POU6F1: variants seen among roughly 807,000 people sequenced by gnomAD.
POU6F1 encodes the protein POU class 6 homeobox 1.
POU6F1 carries 9 observed loss-of-function variants against 28.9 expected under a neutral mutation model. That is an observed-to-expected ratio of 0.31 (90% CI 0.19 to 0.54). POU6F1 has a LOEUF of 0.54. Ranked by LOEUF, POU6F1 falls within the 20% of genes least tolerant of loss-of-function variation. The pLI, the probability that POU6F1 is intolerant of heterozygous loss-of-function variation, is 0.94. For missense variants in POU6F1, 338 were observed against 426.1 expected (o/e 0.79, Z 1.82); for synonymous variants, 173 against 171.1 (o/e 1.01, Z -0.09).
At chr12:51,197,646 T>G in intron 6 of POU6F1, 124 bp downstream of exon 6, 1 of 395,310 alleles carries the variant, frequency 2.5e-6, no homozygotes, top group Non-Finnish European at 4.5e-6. Context: ...CCATCTCTGC[T>G]GATGTGTTGG....
rs1307287714 is a variant in POU6F1 at position 51,198,605 on chromosome 12, C to G, written c.537G>C (p.Leu179=). 2 of 399,152 alleles carry G rather than the reference C, an allele frequency of 5.0e-6. No homozygotes were observed. Among genetic ancestry groups the G allele is most frequent in the Non-Finnish European group, 8.8e-6 (2 of 226,280 alleles). The allele number at this position is 399,152 out of a possible 1,614,324, so 24.7% of individuals were successfully genotyped here. Residue 179 remains leucine (L), a synonymous_variant, in exon 5 of 11, where the codon CTG becomes CTC. Coordinates refer to ENST00000333640, the MANE Select transcript of POU6F1 (RefSeq NM_001330422.2). ...PTATVAALPG[L]TAASPTGGVF... is the part of the protein sequence containing the mutation. Reference sequence around the variant, plus strand: ...CTCCCCCCGTAGGAGAAGCAGCGGTCAGTCCTGGGAGGGCAGCCACAGTTG... The same window carrying G: ...CTCCCCCCGTAGGAGAAGCAGCGGTGAGTCCTGGGAGGGCAGCCACAGTTG...
At chr12:51,209,260 G>A (rs545170402) in intron 1 of POU6F1, among the ~76,000 whole-genome samples, 5 of 152,246 alleles carry the variant, frequency 3.3e-5, no homozygotes, top group Admixed American at 3.3e-4. Context: ...CAACCCAAAA[G>A]GAAACTCCAT....
At chr12:51,208,404 G>A (rs1337013291) in intron 1 of POU6F1, among the ~76,000 whole-genome samples, 1 of 152,202 alleles carries the variant, frequency 6.6e-6, no homozygotes, top group Admixed American at 6.5e-5. Context: ...TTGTATGCTA[G>A]ACATTTTATA....
intron 1 of POU6F1, among the ~76,000 whole-genome samples, chr12:51,209,536 G>T (rs1565632340): frequency 6.6e-6 from 1 of 152,138 alleles, no homozygotes; most frequent in Non-Finnish European, 1.5e-5. Context: ...TTCATTAGTT[G>T]GTGGACATTT....
intron 1 of POU6F1, among the ~76,000 whole-genome samples, chr12:51,211,292 A>T (rs1326236339): frequency 6.6e-6 from 1 of 152,182 alleles, no homozygotes; most frequent in Non-Finnish European, 1.5e-5. Flanking sequence ...GCTCTGGTTA[A>T]AGCTGGGGAG....
rs570465920 is a variant in POU6F1 at position 51,192,412 on chromosome 12, T to G, written c.1239A>C (p.Pro413=). 10 of 1,614,068 alleles carry G rather than the reference T, an allele frequency of 6.2e-6. No individual in the cohort carries two copies. In the South Asian group the frequency reaches 1.1e-4, roughly 18 times the overall value. ...AGGCAGATGGCTTGGCGGCTGGAGC[T>G]GGGCTGGCAATGACCACAGCAGGCT... ...VPQPAVVIAS[P]APAAKPSASA... Residue 413 remains proline (P), a synonymous_variant, in exon 9 of 11, where the codon CCA becomes CCC. Coordinates refer to ENST00000333640, the MANE Select transcript of POU6F1 (RefSeq NM_001330422.2).
rs1469222889 is a variant in POU6F1 at position 51,217,504 on chromosome 12, G to A, written c.-48+138C>T. On this transcript the variant is annotated intron_variant, in intron 1 of 10. Transcript: ENST00000333640. This position sits in a 1 kb window ranked among gnomAD's most constrained non-coding sequence, Gnocchi z 5.3. ...CAGCATCCCGCCGCCCCGGCCCCGC[G>A]GCTTTTTTTCTCTTTATCATAAATA... 1.3e-5 allele frequency: 2 copies of A among 152,512 alleles called. No homozygotes were observed. Among genetic ancestry groups the A allele is most frequent in the Admixed American group, 1.3e-4 (2 of 15,214 alleles). 9.4% of individuals were successfully genotyped at this position (152,512 alleles called of 1,614,324 possible).
chr12:51,191,557 T>C (rs761421423), intron 10 of POU6F1, 39 bp downstream of exon 10: 7 of 1,590,222 alleles, frequency 4.4e-6, no homozygotes, highest in Non-Finnish European at 6.0e-6. Context: ...ACCAGGCAGC[T>C]GAGCAGGCCC....
At chr12:51,205,056 T>TTTTTTTA (rs1943483064) in intron 2 of POU6F1, among the ~76,000 whole-genome samples, 1 of 135,466 alleles carries the variant, frequency 7.4e-6, no homozygotes, top group African/African-American at 2.8e-5. Context: ...TTTTTTTTTT[T>TTTTTTTA]GAGACAGAGT....
chr12:51,211,777 C>T (rs963697988), intron 1 of POU6F1, among the ~76,000 whole-genome samples: 7 of 152,038 alleles, frequency 4.6e-5, no homozygotes, highest in African/African-American at 1.7e-4. Context: ...AATAAATATA[C>T]AAACAAAAAC....
In POU6F1 at chr12:51,190,708, G is replaced by T; in HGVS notation, c.1491-116C>A. The T allele has an allele frequency of 1.4e-6, 2 of 1,462,256 alleles. No individual in the cohort carries two copies. Among genetic ancestry groups the T allele is most frequent in the Non-Finnish European group, 1.8e-6 (2 of 1,101,096 alleles). 90.6% of individuals were successfully genotyped at this position (1,462,256 alleles called of 1,614,324 possible). On this transcript the variant is annotated intron_variant, in intron 10 of 10. Transcript: ENST00000333640. This position sits in a 1 kb window ranked among gnomAD's most constrained non-coding sequence, Gnocchi z 4.5. ...GGGCCGCTCCTCTAGGGGCTGGTGAGACTGTACCCAGTGCTCCCCTCACCA... is the reference window on the plus strand; with the variant it reads ...GGGCCGCTCCTCTAGGGGCTGGTGATACTGTACCCAGTGCTCCCCTCACCA...
intron 1 of POU6F1, chr12:51,207,268 C>G (rs1943691543): frequency 6.6e-6 from 1 of 152,590 alleles, no homozygotes; most frequent in Non-Finnish European, 1.5e-5. Context: ...AAGTGATCCA[C>G]CCGCCTCGGC....
chr12:51,210,023 C>T (rs1943883667), intron 1 of POU6F1, among the ~76,000 whole-genome samples: 1 of 152,040 alleles, frequency 6.6e-6, no homozygotes, highest in Non-Finnish European at 1.5e-5. Context: ...AGTGGCATGA[C>T]CATGGCTCAT....
At position 51,217,643 on chromosome 12, in the gene POU6F1, G is replaced by GGAGCCC. The variant is rs1449913014; in HGVS notation, c.-55_-50dup. On this transcript the variant is annotated splice_region_variant and 5_prime_UTR_variant, in exon 1 of 11. Coordinates refer to ENST00000333640, the MANE Select transcript of POU6F1 (RefSeq NM_001330422.2). The surrounding 1 kb of genome is among the most constrained non-coding windows in gnomAD (Gnocchi z 5.3). Reference sequence around the variant, plus strand: ...CCCGCCCCGGACCCCGCTACTTACCGGAGCCCGAGCCCGAGCCGCCTTCGC... The same window carrying GGAGCCC: ...CCCGCCCCGGACCCCGCTACTTACCGGAGCCCGAGCCCGAGCCCGAGCCGCCTTCGC... The GGAGCCC allele has an allele frequency of 1.2e-4, 17 of 146,836 alleles. No individual in the cohort carries two copies. The highest frequency in any genetic ancestry group is 4.0e-4 in the East Asian group (2 of 4,978). The allele number at this position is 146,836 out of a possible 1,614,324, so 9.1% of individuals were successfully genotyped here.
intron 1 of POU6F1, among the ~76,000 whole-genome samples, chr12:51,215,941 A>G (rs370342124): frequency 3.3e-5 from 5 of 152,318 alleles, no homozygotes; most frequent in African/African-American, 1.2e-4. Flanking sequence ...CACTATATAT[A>G]TGTTTGTTAT....
At chr12:51,198,320 A>C (rs1251030980) in intron 5 of POU6F1, among the ~76,000 whole-genome samples, 1 of 152,192 alleles carries the variant, frequency 6.6e-6, no homozygotes, top group Non-Finnish European at 1.5e-5. Context: ...GGGCAGTCTC[A>C]GACAGCTGGC....
chr12:51,206,525 G>A (rs1007617496), intron 2 of POU6F1, among the ~76,000 whole-genome samples: 3 of 150,728 alleles, frequency 2.0e-5, no homozygotes, highest in Non-Finnish European at 3.0e-5. Context: ...GAAAAACTAA[G>A]GAGTAAATTA....
At chr12:51,194,775 C>T (rs1046883774) in intron 8 of POU6F1, among the ~76,000 whole-genome samples, 5 of 152,072 alleles carry the variant, frequency 3.3e-5, no homozygotes, top group East Asian at 3.9e-4. Context: ...GCTTTCTGTG[C>T]GCCAGTGTTC....
At chr12:51,202,027 T>C (rs1943251300) in intron 3 of POU6F1, 2 of 151,940 alleles carry the variant, frequency 1.3e-5, no homozygotes, top group South Asian at 2.1e-4. Context: ...ACCTGGCTAA[T>C]TTTTGTATTT....
Sources: allele counts gnomAD v4.1 joint callset (sites outside exome capture counted in the v4.1 genomes callset), GRCh38; gene constraint gnomAD v4.1.1; non-coding constraint Gnocchi (gnomAD v3.1); transcripts MANE v1.5; gene names NCBI Gene and HGNC (gene_info 2026-07-23, HGNC 2026-07-21).